TASOR: variants seen among roughly 807,000 people sequenced by gnomAD.
The protein encoded by TASOR is protein TASOR.
Under a neutral mutation model 178.6 loss-of-function variants are expected in TASOR, and 53 were observed. The ratio of observed to expected loss-of-function variants is 0.30; its 90% confidence interval spans 0.24 to 0.37. The LOEUF is 0.37. Ranked by LOEUF, TASOR falls within the 10% of genes least tolerant of loss-of-function variation. The probability of loss-of-function intolerance (pLI) is 1.00; values close to 1 mark genes in which losing one functional copy is unlikely to be tolerated. For synonymous variants in TASOR, 713 were observed against 696.2 expected (o/e 1.02, Z -0.38); for missense variants, 1,815 against 1,971.4 (o/e 0.92, Z 1.50).
chr3:56,645,187 T>A (rs2077210576), intron 14 of TASOR, among the ~76,000 whole-genome samples: 1 of 152,136 alleles, frequency 6.6e-6, no homozygotes, highest in African/African-American at 2.4e-5. Context: ...GGCACGAGAA[T>A]CTTTTGAACC....
chr3:56,678,949 C>G (rs9860863), intron 1 of TASOR, among the ~76,000 whole-genome samples: 14,957 of 149,714 alleles, frequency 0.1, 1,064 homozygotes, highest in African/African-American at 0.2. Context: ...GATGCAGAGG[C>G]TGCAGTCAGC....
intron 14 of TASOR, among the ~76,000 whole-genome samples, chr3:56,644,706 G>A (rs931566125): frequency 6.6e-6 from 1 of 152,080 alleles, no homozygotes; most frequent in African/African-American, 2.4e-5. Context: ...TAGTAAGTCA[G>A]GAAGGCCACC....
chr3:56,627,841 G>A, intron 19 of TASOR, 100 bp from the exon 20 acceptor site: 3 of 1,009,640 alleles, frequency 3.0e-6, no homozygotes, highest in Non-Finnish European at 3.0e-6. Flanking sequence ...AATGCATTAT[G>A]GCTCATCTAT....
At position 56,624,538 on chromosome 3, in the gene TASOR, G is replaced by A. The variant is rs780084252; in HGVS notation, c.4424C>T (p.Ser1475Leu). 2 of 1,614,086 alleles carry A rather than the reference G, an allele frequency of 1.2e-6. No individual in the cohort carries two copies. The highest frequency in any genetic ancestry group is 2.2e-5 in the South Asian group (2 of 91,078). ...CTGTGGAAGGTTTTCTTCTGTGATT[G>A]AATTGTGATAGCCCACAAGATTTTT... ...NFKNLVGYHN[S>L]ITEENLPQLG... Residue 1475 changes from serine (S) to leucine (L), a missense_variant, in exon 23 of 24, where the codon TCA (serine) becomes TTA (leucine). Physicochemically the swap from Ser to Leu is moderately radical, Grantham distance 145. Transcript: ENST00000683822.
intron 17 of TASOR, among the ~76,000 whole-genome samples, chr3:56,635,852 TATAA>T (rs1281144777): frequency 2.0e-5 from 3 of 152,194 alleles, no homozygotes; most frequent in Non-Finnish European, 4.4e-5. Context: ...CCTCAAGGGT[TATAA>T]ATAAAGGGAA....
intron 2 of TASOR, among the ~76,000 whole-genome samples, chr3:56,672,858 G>C (rs2030870693): frequency 2.0e-5 from 3 of 152,280 alleles, no homozygotes; most frequent in Admixed American, 2.0e-4. Flanking sequence ...CAGAGTTCTT[G>C]TTCTATCACC....
chr3:56,643,766 A>AAC lies in TASOR; in HGVS notation c.2216-2015_2216-2014insGT, dbSNP rs553297289. Among the ~76,000 whole-genome samples the AAC allele has an allele frequency of 2.6e-3, 274 of 107,438 alleles. 2 individuals carry two copies. In the South Asian group the frequency reaches 0.11, roughly 42 times the overall value. The allele number at this position is 107,438 out of a possible 152,430, so 70.5% of individuals were successfully genotyped here. ...CGAGACTCCGTCTCAAAAAAAAAAAAAACAAAAAAAAAAGTTAGAATACAA... is the reference window on the plus strand; with the variant it reads ...CGAGACTCCGTCTCAAAAAAAAAAAAACAACAAAAAAAAAAGTTAGAATACAA... On this transcript the variant is annotated intron_variant, in intron 14 of 23. Transcript: ENST00000683822.
At chr3:56,660,614 G>A (rs1306260309) in intron 11 of TASOR, 117 bp downstream of exon 11, 1 of 706,316 alleles carries the variant, frequency 1.4e-6, no homozygotes, top group Non-Finnish European at 2.3e-6. Context: ...AGCAGCAACA[G>A]ACAGACACCT....
Position 56,682,987 on chromosome 3 carries a change from G to C in TASOR, c.20C>G (p.Thr7Arg). 6.5e-7 allele frequency: 1 copy of C among 1,548,232 alleles called. No homozygotes were observed. Among genetic ancestry groups the C allele is most frequent in the South Asian group, 1.2e-5 (1 of 83,862 alleles). The change falls in exon 1 of 24, where the codon ACG becomes AGG. Residue 7 changes from threonine (T) to arginine (R), a missense_variant. Thr to Arg is a moderately conservative substitution (Grantham distance 71). Around this residue, in one of 5 missense-constraint regions of TASOR, gnomAD observed 244 missense variants for 202.7 expected, o/e 1.20. Transcript: ENST00000683822. MATAVETEACQPTDASW... is the reference protein window; with the variant it reads MATAVEREACQPTDASW... ...CGCATCCGTCGGCTGACAGGCCTCCGTCTCCACAGCAGTCGCCATCGCGCC... is the reference window on the plus strand; with the variant it reads ...CGCATCCGTCGGCTGACAGGCCTCCCTCTCCACAGCAGTCGCCATCGCGCC...
At chr3:56,662,324 GA>G (rs2077616095) in intron 9 of TASOR, 60 bp downstream of exon 9, 49 of 841,630 alleles carry the variant, frequency 5.8e-5, no homozygotes, top group Admixed American at 1.9e-4. Context: ...AAGAAATAAG[GA>G]AAAAGGCTCA....
chr3:56,642,773 G>A (rs2077152398), intron 14 of TASOR, among the ~76,000 whole-genome samples: 1 of 152,070 alleles, frequency 6.6e-6, no homozygotes, highest in African/African-American at 2.4e-5. Flanking sequence ...AGGAGATCGA[G>A]ACCATCCTGG....
intron 13 of TASOR, among the ~76,000 whole-genome samples, 179 bp downstream of exon 13, chr3:56,648,631 CAAAAAAAAAAAA>C (rs56218279): frequency 0.011 from 921 of 84,560 alleles, 8 homozygotes; most frequent in African/African-American, 0.034. Context: ...AACTCTGTAT[CAAAAAAAAAAAA>C]AAAAAAAAAA....
At position 56,668,498 on chromosome 3, in the gene TASOR, T is replaced by C; in HGVS notation, c.796A>G (p.Lys266Glu). 1 of 1,551,612 alleles carries C rather than the reference T, an allele frequency of 6.4e-7. No homozygotes were observed. Among genetic ancestry groups the C allele is most frequent in the Non-Finnish European group, 8.7e-7 (1 of 1,146,896 alleles). Residue 266 changes from lysine (K) to glutamate (E), a missense_variant, in exon 6 of 24, where the codon AAG becomes GAG. Coordinates refer to ENST00000683822, the MANE Select transcript of TASOR (RefSeq NM_001365635.2). ...TTTGGTGTGGGGTCCAAAGCACTCT[T>C]ATTTAACATAGATTCCAAACTTTTT... The part of the protein sequence containing the change: ...GVKSLESMLN[K>E]SALDPTPKHE...
intron 6 of TASOR, 33 bp downstream of exon 6, chr3:56,668,364 G>A (rs762308893): frequency 1.3e-6 from 2 of 1,544,688 alleles, no homozygotes; most frequent in South Asian, 2.4e-5. Context: ...ACAGGTATGA[G>A]ATCACAACAT....
Position 56,622,944 on chromosome 3 carries a change from G to T in TASOR, c.*93C>A. 2.5e-6 allele frequency: 2 copies of T among 810,102 alleles called. No homozygotes were observed. Among genetic ancestry groups the T allele is most frequent in the South Asian group, 6.3e-5 (2 of 31,498 alleles). 50.2% of individuals were successfully genotyped at this position (810,102 alleles called of 1,614,324 possible). A position where few individuals can be genotyped will look rare whatever the true frequency, so the allele number is the denominator to read the frequency against. On this transcript the variant is annotated 3_prime_UTR_variant, in exon 24 of 24. Transcript: ENST00000683822. ...GATTTAAATAAAAGAAAAAACATTT[G>T]AGAAAGAACAAGAACCTTTTGTTTA... is the stretch of plus-strand genomic sequence containing the variant.
intron 3 of TASOR, among the ~76,000 whole-genome samples, chr3:56,670,604 A>T (rs2030579577): frequency 6.6e-6 from 1 of 152,206 alleles, no homozygotes; most frequent in Admixed American, 6.5e-5. Flanking sequence ...AATTAGAAAC[A>T]GCAAAATATT....
Position 56,623,134 on chromosome 3 carries a change from A to T in TASOR, c.4916T>A (p.Leu1639Ter). ...ATCCAAGCTTTCAGTATAAGCAGAT[A>T]AGAAGTAATTCTCATTTTCTTGAGA... is the stretch of plus-strand genomic sequence containing the variant. ...SQSQENENYF[L>*]SAYTESLDRD... The change falls in exon 24 of 24, where the codon TTA becomes TAA. Residue 1639 changes from leucine to a stop codon, truncating the protein, a stop_gained. Transcript: ENST00000683822. LOFTEE classifies it high-confidence loss of function. 6.2e-7 allele frequency: 1 copy of T among 1,613,804 alleles called. No homozygotes were observed. Among genetic ancestry groups the T allele is most frequent in the East Asian group, 2.2e-5 (1 of 44,826 alleles).
chr3:56,675,232 T>C (rs1363636354), intron 1 of TASOR, among the ~76,000 whole-genome samples: 4 of 151,694 alleles, frequency 2.6e-5, no homozygotes, highest in African/African-American at 9.7e-5. Flanking sequence ...TGAAGTGCAG[T>C]GGCACGATTT....
At chr3:56,682,415 G>C (rs2031876386) in intron 1 of TASOR, among the ~76,000 whole-genome samples, 1 of 152,086 alleles carries the variant, frequency 6.6e-6, no homozygotes, top group Non-Finnish European at 1.5e-5. Context: ...TTCCTCTCTG[G>C]GAGCTGCAGC....
Sources: allele counts gnomAD v4.1 joint callset (sites outside exome capture counted in the v4.1 genomes callset), GRCh38; gene constraint gnomAD v4.1.1; regional missense constraint gnomAD v4.1.1; transcripts MANE v1.5; gene names NCBI Gene and HGNC (gene_info 2026-07-23, HGNC 2026-07-21).